EBF1: variants seen among roughly 807,000 people sequenced by gnomAD.
EBF1 encodes the protein transcription factor COE1.
In EBF1, 10 loss-of-function variants were observed where a neutral mutation model predicts 68.4. That is an observed-to-expected ratio of 0.15 (90% CI 0.09 to 0.25). The LOEUF (loss-of-function observed/expected upper bound fraction) is 0.25, where lower values mean the gene tolerates loss of function less well. Ranked by LOEUF, EBF1 falls within the 10% of genes least tolerant of loss-of-function variation. The pLI is 1.00. For missense variants in EBF1, 509 were observed against 794.4 expected, an observed-to-expected ratio of 0.64 and a Z score of 4.32; for synonymous variants, 298 against 299.8, an observed-to-expected ratio of 0.99 and a Z score of 0.06.
chr5:158,830,310 T>C (rs1787236858), intron 7 of EBF1, among the ~76,000 whole-genome samples: 1 of 152,090 alleles, frequency 6.6e-6, no homozygotes, highest in Non-Finnish European at 1.5e-5. Context: ...TCTTGCTCTG[T>C]CACCAGGCCG....
intron 6 of EBF1, among the ~76,000 whole-genome samples, chr5:158,881,455 G>A (rs1454670508): frequency 6.6e-6 from 1 of 152,152 alleles, no homozygotes; most frequent in East Asian, 1.9e-4. Context: ...GCTACAGATG[G>A]GCAAGAGGGG....
intron 6 of EBF1, among the ~76,000 whole-genome samples, chr5:159,045,493 A>G (rs938987019): frequency 1.3e-5 from 2 of 151,920 alleles, no homozygotes; most frequent in Non-Finnish European, 2.9e-5. Context: ...TCATTGCATT[A>G]AAAAAAAGAT....
At chr5:158,900,142 C>A (rs962733715) in intron 6 of EBF1, among the ~76,000 whole-genome samples, 1 of 152,186 alleles carries the variant, frequency 6.6e-6, no homozygotes, top group African/African-American at 2.4e-5. Context: ...CACGTGAAGA[C>A]ATTTTGAACC....
chr5:158,786,364 T>C (rs1474454889), intron 9 of EBF1, among the ~76,000 whole-genome samples: 1 of 152,170 alleles, frequency 6.6e-6, no homozygotes, highest in African/African-American at 2.4e-5. Context: ...GTAAATACAT[T>C]ATGCTTCCAC....
chr5:158,875,194 C>A (rs1014606061), intron 6 of EBF1, among the ~76,000 whole-genome samples: 8 of 152,050 alleles, frequency 5.3e-5, no homozygotes, highest in Non-Finnish European at 8.8e-5. Context: ...TTTTTCTTTT[C>A]TTGAATTTAT....
rs757216565 is a variant in EBF1 at position 158,713,102 on chromosome 5, T to C, written c.1237A>G (p.Ser413Gly). Reference protein sequence around the residue: ...RAADIAEALYSVPRNHNQLPA... With the variant: ...RAADIAEALYGVPRNHNQLPA... Reference sequence around the variant, plus strand: ...AGTTGGTTGTGGTTGCGGGGAACACTGTACAGGGCCTCGGCAATGTCGGCC... The same window carrying C: ...AGTTGGTTGTGGTTGCGGGGAACACCGTACAGGGCCTCGGCAATGTCGGCC... The change falls in exon 13 of 16, where the codon AGT becomes GGT. Residue 413 changes from serine (S) to glycine (G), a missense_variant. Transcript: ENST00000313708. 1.3e-6 allele frequency: 2 copies of C among 1,582,320 alleles called. No homozygotes were observed. Among genetic ancestry groups the C allele is most frequent in the East Asian group, 2.3e-5 (1 of 43,268 alleles).
chr5:158,957,437 A>C (rs1817359156), intron 6 of EBF1, among the ~76,000 whole-genome samples: 1 of 152,254 alleles, frequency 6.6e-6, no homozygotes, highest in African/African-American at 2.4e-5. Flanking sequence ...GTCTGGCATA[A>C]TATCTGGCCT....
chr5:158,839,965 C>CT, intron 7 of EBF1, 64 bp downstream of exon 7: 17 of 1,535,316 alleles, frequency 1.1e-5, no homozygotes, highest in Non-Finnish European at 1.4e-5. Context: ...CTGCCTAAGA[C>CT]TTTTTTATCC....
At chr5:158,939,423 G>A (rs1048168351) in intron 6 of EBF1, among the ~76,000 whole-genome samples, 11 of 152,186 alleles carry the variant, frequency 7.2e-5, no homozygotes, top group African/African-American at 2.4e-4. Flanking sequence ...GGTAGTCAAC[G>A]TGAAGATGAT....
At chr5:159,091,451 C>T (rs1036079676) in intron 4 of EBF1, among the ~76,000 whole-genome samples, 1 of 152,148 alleles carries the variant, frequency 6.6e-6, no homozygotes, top group Non-Finnish European at 1.5e-5. Flanking sequence ...TGACATGTTA[C>T]CAAAGGAGAG....
chr5:158,880,153 C>A (rs546247356), intron 6 of EBF1, among the ~76,000 whole-genome samples: 1 of 152,288 alleles, frequency 6.6e-6, no homozygotes, highest in African/African-American at 2.4e-5. Flanking sequence ...ACTCACAAAG[C>A]GCTGTCAAAC....
chr5:159,020,160 A>G (rs1766387110), intron 6 of EBF1, among the ~76,000 whole-genome samples: 1 of 151,858 alleles, frequency 6.6e-6, no homozygotes, highest in Non-Finnish European at 1.5e-5. Flanking sequence ...ACCCCTGCAA[A>G]CCAGCCCACC....
intron 6 of EBF1, among the ~76,000 whole-genome samples, chr5:158,889,800 A>G (rs1223394599): frequency 6.6e-6 from 1 of 152,202 alleles, no homozygotes; most frequent in African/African-American, 2.4e-5. Context: ...CTCCTTATCT[A>G]TGGGGTTTCA....
At chr5:159,095,765 A>G (rs1782492122) in intron 3 of EBF1, 90 bp from the exon 4 acceptor site, 5 of 1,369,492 alleles carry the variant, frequency 3.7e-6, no homozygotes, top group Non-Finnish European at 4.1e-6. Flanking sequence ...AAAAATAACA[A>G]CAAAACCCCC....
At chr5:158,807,841 C>G (rs917526590) in intron 8 of EBF1, among the ~76,000 whole-genome samples, 1 of 152,126 alleles carries the variant, frequency 6.6e-6, no homozygotes, top group African/African-American at 2.4e-5. Flanking sequence ...TCATGCAAGA[C>G]AGCATAGATA....
chr5:158,743,097 G>A (rs1327874836), intron 10 of EBF1, among the ~76,000 whole-genome samples: 1 of 152,202 alleles, frequency 6.6e-6, no homozygotes, highest in African/African-American at 2.4e-5. Context: ...ACATGGTCCA[G>A]TGGGGAGACA....
At chr5:159,028,495 G>C (rs1250581637) in intron 6 of EBF1, among the ~76,000 whole-genome samples, 1 of 152,180 alleles carries the variant, frequency 6.6e-6, no homozygotes, top group Non-Finnish European at 1.5e-5. Flanking sequence ...GAATGTAATG[G>C]TGAGCAAGAA....
chr5:158,798,449 C>T (rs958282862), intron 8 of EBF1, among the ~76,000 whole-genome samples: 14 of 152,206 alleles, frequency 9.2e-5, no homozygotes, highest in Admixed American at 2.6e-4. Flanking sequence ...TAGCTAAATA[C>T]GGTCTCCTGC....
At chr5:158,938,232 A>G (rs927584183) in intron 6 of EBF1, among the ~76,000 whole-genome samples, 2 of 152,176 alleles carry the variant, frequency 1.3e-5, no homozygotes, top group African/African-American at 2.4e-5. Context: ...TGAATTAATC[A>G]ATCACCTCCT....
Sources: gnomAD v4.1 joint callset for allele counts (sites outside exome capture counted in the v4.1 genomes callset) on GRCh38, gnomAD v4.1.1 for gene constraint, MANE v1.5 for transcripts, NCBI Gene and HGNC (gene_info 2026-07-23, HGNC 2026-07-21) for gene names.